Variants in USP32 observed in about 807,000 individuals in gnomAD.
USP32 encodes the protein ubiquitin carboxyl-terminal hydrolase 32.
In USP32, 59 loss-of-function variants were observed where a neutral mutation model predicts 204.8. The observed-to-expected ratio is 0.29, with a 90% CI of 0.23 to 0.36. The LOEUF is 0.36. Among genes scored for constraint, USP32 ranks in the 10% least tolerant of loss-of-function variants. USP32 has a pLI of 1.00. For synonymous variants in USP32, 517 were observed against 678.4 expected (o/e 0.76, Z 3.70); for missense variants, 1,160 against 1,946.4 (o/e 0.60, Z 7.60).
chr17:60,340,948 T>C (rs1018066383), intron 2 of USP32, among the ~76,000 whole-genome samples: 3 of 152,114 alleles, frequency 2.0e-5, no homozygotes, highest in Non-Finnish European at 4.4e-5. Flanking sequence ...TGGCTAGATA[T>C]GAAATTCTGG....
intron 32 of USP32, among the ~76,000 whole-genome samples, chr17:60,180,879 T>C (rs1395135538): frequency 6.7e-6 from 1 of 149,572 alleles, no homozygotes; most frequent in African/African-American, 2.4e-5. Context: ...ATTATTATTA[T>C]TATTATTATT....
chr17:60,320,326 G>A (rs2088082053), intron 2 of USP32, among the ~76,000 whole-genome samples: 1 of 152,118 alleles, frequency 6.6e-6, no homozygotes. Flanking sequence ...ATAAATGTAA[G>A]CTGTACATAC....
intron 1 of USP32, among the ~76,000 whole-genome samples, chr17:60,349,287 TATA>T (rs2088862712): frequency 6.6e-6 from 1 of 150,928 alleles, no homozygotes; most frequent in Non-Finnish European, 1.5e-5. Flanking sequence ...TTTTTAAAAA[TATA>T]ATCTGGTGGC....
chr17:60,302,423 A>G (rs1363156329), intron 2 of USP32, among the ~76,000 whole-genome samples: 1 of 152,216 alleles, frequency 6.6e-6, no homozygotes, highest in East Asian at 1.9e-4. Context: ...CCGGCATTAT[A>G]GGCATGAGCC....
At chr17:60,246,434 A>G (rs2086030000) in intron 11 of USP32, among the ~76,000 whole-genome samples, 1 of 148,636 alleles carries the variant, frequency 6.7e-6, no homozygotes, top group African/African-American at 2.5e-5. Flanking sequence ...TTCTTTATCC[A>G]TTCATCAACT....
At chr17:60,365,468 C>A (rs966888694) in intron 1 of USP32, among the ~76,000 whole-genome samples, 2 of 151,368 alleles carry the variant, frequency 1.3e-5, no homozygotes, top group Non-Finnish European at 2.9e-5. Context: ...GGTGACAGAG[C>A]GAGACTCCAT....
At chr17:60,395,964 AAG>A (rs2089897481), upstream of USP32, among the ~76,000 whole-genome samples, 1 of 152,098 alleles carries the variant, frequency 6.6e-6, no homozygotes, top group Non-Finnish European at 1.5e-5. Context: ...CCAACACATT[AAG>A]AGAATTGATT....
chr17:60,412,177 G>A (rs1041186041), intron 1 of USP32, among the ~76,000 whole-genome samples: 2 of 152,004 alleles, frequency 1.3e-5, no homozygotes, highest in East Asian at 1.9e-4. Context: ...AAATTTGCCC[G>A]ATGATGATAA....
rs181463879 is a variant in USP32, at chr17:60,305,798, G to A, written c.187-4094C>T. 9.2e-5 allele frequency among the ~76,000 whole-genome samples: 14 copies of A among 152,258 alleles called. No individual in the cohort carries two copies. In the East Asian group the frequency reaches 2.7e-3, roughly 29 times the overall value. Reference sequence around the variant, plus strand: ...AGGGTAAAATTAAGGAAGAAATTTTGAGTAAGGTATGACTTTCAGTTTTGC... The same window carrying A: ...AGGGTAAAATTAAGGAAGAAATTTTAAGTAAGGTATGACTTTCAGTTTTGC... On this transcript the variant is annotated intron_variant, in intron 2 of 33. Coordinates refer to ENST00000300896, the MANE Select transcript of USP32 (RefSeq NM_032582.4).
chr17:60,250,734 G>A (rs922145622), intron 11 of USP32, among the ~76,000 whole-genome samples: 4 of 151,964 alleles, frequency 2.6e-5, no homozygotes, highest in Non-Finnish European at 5.9e-5. Context: ...AGGATCTCTT[G>A]AACTCAGGAG....
chr17:60,327,419 G>T (rs2088269523), intron 2 of USP32, among the ~76,000 whole-genome samples: 1 of 152,088 alleles, frequency 6.6e-6, no homozygotes, highest in Non-Finnish European at 1.5e-5. Flanking sequence ...GGGGGGCGGG[G>T]GGGAGGCGGA....
At chr17:60,339,620 T>C (rs1452957870) in intron 2 of USP32, among the ~76,000 whole-genome samples, 2 of 150,978 alleles carry the variant, frequency 1.3e-5, no homozygotes, top group Admixed American at 6.6e-5. Context: ...CTGCCATGAG[T>C]TCTTATTCCT....
intron 5 of USP32, among the ~76,000 whole-genome samples, chr17:60,286,183 T>C: frequency 6.6e-6 from 1 of 151,704 alleles, no homozygotes; most frequent in East Asian, 1.9e-4. Flanking sequence ...CAGTTTTCTG[T>C]ATCCAATGGA....
At chr17:60,391,107 G>A (rs1380939141) in intron 1 of USP32, among the ~76,000 whole-genome samples, 1 of 152,220 alleles carries the variant, frequency 6.6e-6, no homozygotes, top group Non-Finnish European at 1.5e-5. Context: ...TCTAAAGGGA[G>A]ATTTAACACA....
intron 2 of USP32, among the ~76,000 whole-genome samples, chr17:60,310,630 C>A (rs986437992): frequency 6.6e-6 from 1 of 151,828 alleles, no homozygotes; most frequent in Non-Finnish European, 1.5e-5. Flanking sequence ...ACCCGGGAGG[C>A]GGAGGTTGCA....
At chr17:60,264,390 C>T (rs1013570956) in intron 9 of USP32, among the ~76,000 whole-genome samples, 1 of 151,318 alleles carries the variant, frequency 6.6e-6, no homozygotes, top group African/African-American at 2.4e-5. Flanking sequence ...TGGTGGTGCA[C>T]ACCTATAGTC....
chr17:60,366,611 C>A (rs1034947276), intron 1 of USP32, among the ~76,000 whole-genome samples: 2 of 151,950 alleles, frequency 1.3e-5, no homozygotes, highest in Non-Finnish European at 2.9e-5. Context: ...ACATTTAGAA[C>A]TAAAATAAGC....
At chr17:60,226,545 T>C (rs1567783146) in intron 12 of USP32, among the ~76,000 whole-genome samples, 1 of 152,192 alleles carries the variant, frequency 6.6e-6, no homozygotes. Context: ...TTTTCTTTTC[T>C]TCCTTATTTC....
chr17:60,308,188 C>T (rs1295446933), intron 2 of USP32, among the ~76,000 whole-genome samples: 2 of 152,210 alleles, frequency 1.3e-5, no homozygotes, highest in Non-Finnish European at 2.9e-5. Context: ...ATCCGGGATA[C>T]AGAAAACCCT....
Sources: allele counts gnomAD v4.1 joint callset (sites outside exome capture counted in the v4.1 genomes callset), GRCh38; gene constraint gnomAD v4.1.1; transcripts MANE v1.5; gene names NCBI Gene and HGNC (gene_info 2026-07-23, HGNC 2026-07-21).